Variants in FAM13C observed in about 807,000 individuals in gnomAD.
FAM13C encodes family with sequence similarity 13 member C, also known as protein FAM13C.
A neutral mutation model predicts 73.2 loss-of-function variants in FAM13C; 37 were observed. The ratio of observed to expected loss-of-function variants is 0.51; its 90% CI spans 0.39 to 0.67. The LOEUF (loss-of-function observed/expected upper bound fraction) is 0.67. Ranked by LOEUF, FAM13C falls within the 30% of genes least tolerant of loss-of-function variation. The pLI is 0.00. For synonymous variants in FAM13C, 246 were observed against 260.9 expected, an observed-to-expected ratio of 0.94 and a Z score of 0.55; for missense variants, 589 against 715.6, an observed-to-expected ratio of 0.82 and a Z score of 2.02.
intron 8 of FAM13C, among the ~76,000 whole-genome samples, chr10:59,266,030 T>C (rs946185136): frequency 2.0e-5 from 3 of 152,178 alleles, no homozygotes; most frequent in Non-Finnish European, 4.4e-5. Flanking sequence ...CAAAGATGGT[T>C]CAAAAAGACA....
At chr10:59,307,124 G>C (rs1000203116) in intron 4 of FAM13C, among the ~76,000 whole-genome samples, 3 of 152,024 alleles carry the variant, frequency 2.0e-5, no homozygotes, top group Admixed American at 6.6e-5. Context: ...CAATTCATGA[G>C]TTCAGATTTA....
At chr10:59,284,305 C>T (rs770348863) in intron 5 of FAM13C, among the ~76,000 whole-genome samples, 28 of 152,034 alleles carry the variant, frequency 1.8e-4, no homozygotes, top group Non-Finnish European at 3.2e-4. Context: ...TTAATTCCTC[C>T]GACCAGGTGA....
intron 9 of FAM13C, 151 bp downstream of exon 9, chr10:59,263,934 G>C (rs551546569): frequency 7.2e-5 from 51 of 705,682 alleles, no homozygotes; most frequent in South Asian, 3.5e-4. Context: ...AGAGATACAG[G>C]GTGCTTTATT....
intron 1 of FAM13C, among the ~76,000 whole-genome samples, chr10:59,356,309 AT>A (rs1210490715): frequency 3.9e-5 from 6 of 152,010 alleles, no homozygotes; most frequent in Non-Finnish European, 7.4e-5. Flanking sequence ...GCCTCTTTGC[AT>A]TTTTTCTGCT....
intron 3 of FAM13C, among the ~76,000 whole-genome samples, chr10:59,344,452 T>A (rs572789874): frequency 6.7e-6 from 1 of 150,176 alleles, no homozygotes; most frequent in Admixed American, 6.6e-5. Context: ...CTGATTTTTT[T>A]TTTTTATTTT....
chr10:59,290,867 G>A (rs7074065), intron 5 of FAM13C, among the ~76,000 whole-genome samples: 1 of 152,062 alleles, frequency 6.6e-6, no homozygotes, highest in Non-Finnish European at 1.5e-5. Flanking sequence ...GTATTTGCAG[G>A]GGGGGCAGGG....
At chr10:59,307,241 A>G (rs1848359621) in intron 4 of FAM13C, among the ~76,000 whole-genome samples, 1 of 152,088 alleles carries the variant, frequency 6.6e-6, no homozygotes, top group African/African-American at 2.4e-5. Flanking sequence ...AAGGGGGGTG[A>G]GATAATTATG....
intron 4 of FAM13C, among the ~76,000 whole-genome samples, chr10:59,321,643 C>T (rs1473853341): frequency 6.6e-6 from 1 of 151,900 alleles, no homozygotes; most frequent in African/African-American, 2.4e-5. Flanking sequence ...CATAAAGGCT[C>T]CTTGTGCTCA....
intron 2 of FAM13C, 30 bp from the exon 3 acceptor site, chr10:59,352,504 TA>T: frequency 6.5e-7 from 1 of 1,547,814 alleles, no homozygotes; most frequent in Non-Finnish European, 8.7e-7. Context: ...ATTTAGAAAG[TA>T]CCTTAAAAAA....
At chr10:59,355,245 A>C (rs936111673) in intron 2 of FAM13C, among the ~76,000 whole-genome samples, 13 of 152,002 alleles carry the variant, frequency 8.6e-5, no homozygotes, top group African/African-American at 3.1e-4. Flanking sequence ...CCAAATCTTA[A>C]CTGGCTGGCT....
intron 7 of FAM13C, among the ~76,000 whole-genome samples, chr10:59,269,426 AC>A: frequency 6.6e-6 from 1 of 151,650 alleles, no homozygotes; most frequent in Non-Finnish European, 1.5e-5. Flanking sequence ...TTACACACAC[AC>A]ACACACACAC....
chr10:59,308,512 AC>A (rs1419327697), intron 4 of FAM13C, among the ~76,000 whole-genome samples: 2 of 118,400 alleles, frequency 1.7e-5, no homozygotes, highest in Non-Finnish European at 3.7e-5. Context: ...CACTGCCACC[AC>A]CCACCAGCAT....
chr10:59,268,748 T>A (rs1365810044), intron 7 of FAM13C, 57 bp from the exon 8 acceptor site: 1 of 1,569,286 alleles, frequency 6.4e-7, no homozygotes, highest in East Asian at 2.3e-5. Flanking sequence ...CAGTAAACAG[T>A]TCTGTTGATC....
intron 13 of FAM13C, 30 bp from the exon 14 acceptor site, chr10:59,247,767 A>G: frequency 6.3e-7 from 1 of 1,599,078 alleles, no homozygotes; most frequent in South Asian, 1.1e-5. Context: ...TTGTTAGTTC[A>G]CAATGAATCA....
At chr10:59,311,960 G>A (rs1589562716) in intron 4 of FAM13C, among the ~76,000 whole-genome samples, 1 of 152,062 alleles carries the variant, frequency 6.6e-6, no homozygotes, top group African/African-American at 2.4e-5. Flanking sequence ...ACCTTCAAGA[G>A]GAACCTCAAG....
chr10:59,301,916 A>G (rs570990933), intron 5 of FAM13C, among the ~76,000 whole-genome samples: 1 of 152,382 alleles, frequency 6.6e-6, no homozygotes, highest in African/African-American at 2.4e-5. Context: ...TACCAAAAAG[A>G]AAGAAAAGAA....
chr10:59,356,914 G>A (rs1855778313), intron 1 of FAM13C, among the ~76,000 whole-genome samples: 1 of 152,178 alleles, frequency 6.6e-6, no homozygotes, highest in African/African-American at 2.4e-5. Flanking sequence ...CAGACTTGCT[G>A]AGCCATCTGG....
intron 4 of FAM13C, among the ~76,000 whole-genome samples, chr10:59,303,320 C>T (rs1039873574): frequency 1.3e-5 from 2 of 152,208 alleles, no homozygotes; most frequent in Non-Finnish European, 2.9e-5. Flanking sequence ...CTCTAGCATA[C>T]AGTCCTGTAC....
chr10:59,351,689 C>T (rs1589720140), intron 3 of FAM13C, among the ~76,000 whole-genome samples: 1 of 152,276 alleles, frequency 6.6e-6, no homozygotes, highest in East Asian at 1.9e-4. Flanking sequence ...AAGAATGCAG[C>T]TGCTCCTTTA....
Sources: allele counts gnomAD v4.1 joint callset (sites outside exome capture counted in the v4.1 genomes callset), GRCh38; gene constraint gnomAD v4.1.1; transcripts MANE v1.5; gene names NCBI Gene and HGNC (gene_info 2026-07-23, HGNC 2026-07-21).